Variants in SEMA3D observed in about 807,000 individuals in gnomAD.
SEMA3D encodes the protein semaphorin-3D.
In SEMA3D, 84 loss-of-function variants were observed where a neutral mutation model predicts 100.1. The observed-to-expected ratio is 0.84, with a 90% CI of 0.70 to 1.01. SEMA3D has a LOEUF of 1.01. SEMA3D is among the 50% of genes least tolerant of loss of function. The pLI, the probability that SEMA3D is intolerant of heterozygous loss-of-function variation, is 0.00. For synonymous variants in SEMA3D, 312 were observed against 320.7 expected, an observed-to-expected ratio of 0.97 and a Z score of 0.29; for missense variants, 875 against 934.1, an observed-to-expected ratio of 0.94 and a Z score of 0.82.
rs938353108 is a variant in SEMA3D, at chr7:85,036,922, A to G, written c.1158T>C (p.Tyr386=). 1.9e-6 allele frequency: 3 copies of G among 1,613,350 alleles called. No homozygotes were observed. The highest frequency in any genetic ancestry group is 2.5e-6 in the Non-Finnish European group (3 of 1,179,532). The change falls in exon 12 of 19, where the codon TAT becomes TAC. Residue 386 remains tyrosine (Y), a synonymous_variant. Coordinates refer to ENST00000284136, the MANE Select transcript of SEMA3D (RefSeq NM_001384900.1). Reference sequence around the variant, plus strand: ...GCCGTGGATAAGGAATTCTCCCATCATACTGCACCCAACGATGGTCTGCAC... The same window carrying G: ...GCCGTGGATAAGGAATTCTCCCATCGTACTGCACCCAACGATGGTCTGCAC... ...KESADHRWVQ[Y]DGRIPYPRPG... is the part of the protein sequence containing the mutation.
intron 17 of SEMA3D, among the ~76,000 whole-genome samples, chr7:85,007,836 G>A (rs1789841779): frequency 6.6e-6 from 1 of 151,784 alleles, no homozygotes; most frequent in Admixed American, 6.6e-5. Context: ...TAAGGTTTAA[G>A]GGACCAAGTG....
intron 2 of SEMA3D, chr7:85,143,077 T>G: frequency 1.1e-6 from 1 of 929,440 alleles, no homozygotes; most frequent in South Asian, 5.0e-5. Context: ...AAACTTACAA[T>G]TAGTTATTCA....
At chr7:85,091,196 A>G (rs990349744) in intron 4 of SEMA3D, among the ~76,000 whole-genome samples, 6 of 143,394 alleles carry the variant, frequency 4.2e-5, no homozygotes, top group African/African-American at 1.5e-4. Flanking sequence ...GAAGAGAAGG[A>G]GGGAGGGAGG....
At chr7:85,149,412 C>A (rs577847275) in intron 2 of SEMA3D, among the ~76,000 whole-genome samples, 1 of 152,090 alleles carries the variant, frequency 6.6e-6, no homozygotes, top group East Asian at 1.9e-4. Flanking sequence ...CGTGTCACTG[C>A]GTTCCAGCCT....
the SEMA3D span, among the ~76,000 whole-genome samples, chr7:85,194,292 A>G: frequency 6.6e-6 from 1 of 152,084 alleles, no homozygotes; most frequent in African/African-American, 2.4e-5. Context: ...GATCTTAGTG[A>G]TAAAGCTTTG....
At chr7:85,178,354 A>T (rs1326308484) in intron 1 of SEMA3D, among the ~76,000 whole-genome samples, 1 of 152,216 alleles carries the variant, frequency 6.6e-6, no homozygotes, top group Non-Finnish European at 1.5e-5. Flanking sequence ...AAGATGTGAG[A>T]AAGTCTGAAA....
intron 5 of SEMA3D, among the ~76,000 whole-genome samples, chr7:85,080,379 C>T (rs1314424932): frequency 6.6e-6 from 1 of 152,156 alleles, no homozygotes; most frequent in Non-Finnish European, 1.5e-5. Flanking sequence ...CCCTCACAAC[C>T]TTAGGCATTA....
At chr7:85,184,581 T>C (rs1791490741) in intron 1 of SEMA3D, among the ~76,000 whole-genome samples, 1 of 152,220 alleles carries the variant, frequency 6.6e-6, no homozygotes, top group Admixed American at 6.5e-5. Flanking sequence ...GTGATAAAGT[T>C]CACAGCACCT....
At chr7:85,177,747 A>G (rs1791279118) in intron 1 of SEMA3D, among the ~76,000 whole-genome samples, 1 of 152,222 alleles carries the variant, frequency 6.6e-6, no homozygotes, top group Non-Finnish European at 1.5e-5. Flanking sequence ...GCTAATTTAC[A>G]GTATTTATTT....
chr7:85,244,526 C>A, the SEMA3D span, among the ~76,000 whole-genome samples: 1 of 152,046 alleles, frequency 6.6e-6, no homozygotes, highest in African/African-American at 2.4e-5. Context: ...ATGGTGCAAG[C>A]CACATATCAT....
chr7:85,154,467 T>G (rs2116499309), intron 1 of SEMA3D, among the ~76,000 whole-genome samples: 1 of 152,124 alleles, frequency 6.6e-6, no homozygotes, highest in Admixed American at 6.6e-5. Context: ...TCCTACCATG[T>G]TGTGGGGCGG....
intron 17 of SEMA3D, among the ~76,000 whole-genome samples, chr7:85,007,673 G>C (rs1351901703): frequency 1.3e-5 from 2 of 151,684 alleles, no homozygotes; most frequent in Non-Finnish European, 2.9e-5. Flanking sequence ...CAAAGGCTGT[G>C]TCCCTTGTGT....
intron 12 of SEMA3D, among the ~76,000 whole-genome samples, chr7:85,025,769 T>C (rs780688074): frequency 1.3e-5 from 2 of 152,030 alleles, no homozygotes; most frequent in African/African-American, 2.4e-5. Context: ...TGCTTATTCA[T>C]CGAAGAGTCA....
At chr7:85,176,781 C>CATATAT (rs372304790) in intron 1 of SEMA3D, among the ~76,000 whole-genome samples, 25 of 146,468 alleles carry the variant, frequency 1.7e-4, no homozygotes, top group East Asian at 1.4e-3. Flanking sequence ...TATTTGTATA[C>CATATAT]ATATATATAT....
intron 15 of SEMA3D, among the ~76,000 whole-genome samples, chr7:85,015,902 G>T (rs1013362277): frequency 6.6e-6 from 1 of 151,628 alleles, no homozygotes; most frequent in African/African-American, 2.4e-5. Context: ...GCGGTGGAGG[G>T]GGAGGGGTGA....
chr7:85,242,346 C>A, the SEMA3D span, among the ~76,000 whole-genome samples: 2 of 152,076 alleles, frequency 1.3e-5, no homozygotes, highest in African/African-American at 4.8e-5. Flanking sequence ...TACTGCATTT[C>A]ACAAATTTTG....
chr7:85,111,872 A>C (rs1789106725), intron 3 of SEMA3D, among the ~76,000 whole-genome samples: 2 of 152,024 alleles, frequency 1.3e-5, no homozygotes, highest in African/African-American at 4.8e-5. Context: ...TGCCAGACAC[A>C]CTTTCACTCC....
At chr7:85,189,717 A>G (rs1291512559), upstream of SEMA3D, among the ~76,000 whole-genome samples, 1 of 152,190 alleles carries the variant, frequency 6.6e-6, no homozygotes, top group Non-Finnish European at 1.5e-5. Context: ...TGGAAACATT[A>G]TTGAATAAAT....
At chr7:85,155,721 G>A (rs1345942012) in intron 1 of SEMA3D, among the ~76,000 whole-genome samples, 1 of 152,014 alleles carries the variant, frequency 6.6e-6, no homozygotes, top group East Asian at 1.9e-4. Flanking sequence ...TCTAATGAGG[G>A]TTAGCTCTTC....
Sources: allele counts gnomAD v4.1 joint callset (sites outside exome capture counted in the v4.1 genomes callset), GRCh38; gene constraint gnomAD v4.1.1; transcripts MANE v1.5; gene names NCBI Gene and HGNC (gene_info 2026-07-23, HGNC 2026-07-21).